HLCS: variants seen among roughly 807,000 people sequenced by gnomAD.
The protein encoded by HLCS is holocarboxylase synthetase, also known as biotin--protein ligase.
Under a neutral mutation model 75.0 loss-of-function variants are expected in HLCS, and 53 were observed. The ratio of observed to expected loss-of-function variants is 0.71; its 90% CI spans 0.57 to 0.89. HLCS has a LOEUF of 0.89. Among genes scored for constraint, HLCS ranks in the 40% least tolerant of loss-of-function variants. HLCS has a pLI of 0.00. For synonymous variants in HLCS, 431 were observed against 428.6 expected, an observed-to-expected ratio of 1.01 and a Z score of -0.07; for missense variants, 966 against 1,074.0, an observed-to-expected ratio of 0.90 and a Z score of 1.41.
At chr21:36,848,727 T>C (rs1264371687) in intron 6 of HLCS, among the ~76,000 whole-genome samples, 3 of 152,252 alleles carry the variant, frequency 2.0e-5, no homozygotes, top group African/African-American at 7.2e-5. Flanking sequence ...TCATTTTCCC[T>C]TGGATTTATA....
intron 6 of HLCS, among the ~76,000 whole-genome samples, chr21:36,893,058 A>C (rs1008895278): frequency 2.6e-5 from 4 of 151,754 alleles, no homozygotes; most frequent in Non-Finnish European, 4.4e-5. Context: ...TACAGGCATG[A>C]GCCACAAAAA....
At chr21:36,948,537 C>T (rs1251972602) in intron 2 of HLCS, among the ~76,000 whole-genome samples, 1 of 151,384 alleles carries the variant, frequency 6.6e-6, no homozygotes, top group African/African-American at 2.4e-5. Flanking sequence ...CAAGACCAGC[C>T]TGGGCAACAA....
chr21:36,828,607 T>C (rs1189221500), intron 6 of HLCS, among the ~76,000 whole-genome samples: 1 of 152,200 alleles, frequency 6.6e-6, no homozygotes, highest in African/African-American at 2.4e-5. Flanking sequence ...CAATTCACAT[T>C]AGAAGGGGTT....
intron 6 of HLCS, among the ~76,000 whole-genome samples, chr21:36,815,628 T>C (rs991272707): frequency 1.2e-4 from 19 of 152,180 alleles, no homozygotes; most frequent in Non-Finnish European, 2.6e-4. Flanking sequence ...GTAGAATTCA[T>C]CAAATTGGTG....
intron 6 of HLCS, among the ~76,000 whole-genome samples, chr21:36,813,989 C>T (rs2061586022): frequency 6.6e-6 from 1 of 152,158 alleles, no homozygotes. Context: ...AGGTCCCTCC[C>T]CTAAAGCCAC....
At chr21:36,900,735 G>T (rs1034796621) in intron 5 of HLCS, among the ~76,000 whole-genome samples, 2 of 152,152 alleles carry the variant, frequency 1.3e-5, no homozygotes, top group Non-Finnish European at 2.9e-5. Flanking sequence ...CAGCAGACAT[G>T]GTGAGAAAGG....
At chr21:36,763,477 G>A (rs991972035) in intron 8 of HLCS, among the ~76,000 whole-genome samples, 3 of 152,166 alleles carry the variant, frequency 2.0e-5, no homozygotes, top group Non-Finnish European at 4.4e-5. Context: ...ATGTAATACA[G>A]GAAACAGAGA....
At chr21:36,913,305 A>G (rs1389507110) in intron 5 of HLCS, among the ~76,000 whole-genome samples, 1 of 152,188 alleles carries the variant, frequency 6.6e-6, no homozygotes, top group Admixed American at 6.5e-5. Context: ...AAATTAGGAA[A>G]TGCCTATTTT....
intron 6 of HLCS, among the ~76,000 whole-genome samples, chr21:36,853,642 A>G (rs573124689): frequency 6.6e-6 from 1 of 152,358 alleles, no homozygotes; most frequent in South Asian, 2.1e-4. Flanking sequence ...AAGTCACAGT[A>G]AAGTCTCTTA....
chr21:36,933,597 T>C (rs1185020232), intron 4 of HLCS, among the ~76,000 whole-genome samples: 1 of 148,940 alleles, frequency 6.7e-6, no homozygotes, highest in African/African-American at 2.5e-5. Context: ...CTCAGTGCAC[T>C]TCTACCCTAA....
At chr21:36,796,034 C>G (rs1190697008) in intron 6 of HLCS, among the ~76,000 whole-genome samples, 1 of 152,140 alleles carries the variant, frequency 6.6e-6, no homozygotes, top group African/African-American at 2.4e-5. Context: ...AAAATAGTTG[C>G]AATCTGTAAC....
intron 6 of HLCS, among the ~76,000 whole-genome samples, chr21:36,797,551 T>A (rs892476819): frequency 3.3e-5 from 5 of 152,206 alleles, no homozygotes; most frequent in African/African-American, 1.2e-4. Flanking sequence ...TAAGTTAACA[T>A]CTTTGCAAAA....
intron 6 of HLCS, among the ~76,000 whole-genome samples, chr21:36,828,434 C>T (rs987339861): frequency 2.0e-5 from 3 of 152,072 alleles, no homozygotes; most frequent in Admixed American, 6.5e-5. Flanking sequence ...TCACTGGAGT[C>T]GGCAGGATCA....
chr21:36,856,076 G>C (rs577650680), intron 6 of HLCS, among the ~76,000 whole-genome samples: 2 of 152,278 alleles, frequency 1.3e-5, no homozygotes, highest in African/African-American at 4.8e-5. Flanking sequence ...GGGGGCAGGG[G>C]GAAGGGGAGT....
chr21:36,959,269 G>A (rs1431985534), intron 2 of HLCS, among the ~76,000 whole-genome samples: 1 of 152,178 alleles, frequency 6.6e-6, no homozygotes. Flanking sequence ...ACCCGGCCAG[G>A]TGGGTGCTGC....
At chr21:36,862,614 C>T (rs1181640114) in intron 6 of HLCS, among the ~76,000 whole-genome samples, 1 of 152,098 alleles carries the variant, frequency 6.6e-6, no homozygotes, top group African/African-American at 2.4e-5. Context: ...GGTATTCTTT[C>T]GAATTTCACA....
intron 8 of HLCS, among the ~76,000 whole-genome samples, chr21:36,760,435 C>A (rs531046661): frequency 1.5e-4 from 23 of 151,912 alleles, no homozygotes; most frequent in East Asian, 5.8e-4. Context: ...ATAGTGAAAC[C>A]CCATCTCTGC....
rs118099059 is a variant in HLCS at position 36,754,078 on chromosome 21, C to A, written c.*168G>T. On this transcript the variant is annotated 3_prime_UTR_variant, in exon 11 of 11. Transcript: ENST00000674895. ...CCATCTATCCCAGAGCCTCTTCAAA[C>A]ACCAAAGAAAACGACAACAAAACAA... The A allele has an allele frequency of 3.4e-4, 267 of 775,350 alleles. 2 individuals carry two copies. The East Asian group carries it at 7.1e-3, about 21-fold the overall frequency. The allele number at this position is 775,350 out of a possible 1,614,324, so 48.0% of individuals were successfully genotyped here. A position where few individuals can be genotyped will look rare whatever the true frequency, so the allele number is the denominator to read the frequency against.
rs534676462 is a variant in HLCS at position 36,935,004 on chromosome 21, TG to T, written c.1437+1444del. Among the ~76,000 whole-genome samples, 6 of 152,236 alleles carry T rather than the reference TG, an allele frequency of 3.9e-5. No individual in the cohort carries two copies. The East Asian group carries it at 1.2e-3, about 29-fold the overall frequency. ...GCAGTATCAAATTTTATGATAGTAA[TG>T]GGGTCAATTTAAATGGTGCAGCAAG... On this transcript the variant is annotated intron_variant, in intron 4 of 10. Coordinates refer to ENST00000674895, the MANE Select transcript of HLCS (RefSeq NM_001352514.2).
Sources: allele counts gnomAD v4.1 joint callset (sites outside exome capture counted in the v4.1 genomes callset), GRCh38; gene constraint gnomAD v4.1.1; transcripts MANE v1.5; gene names NCBI Gene and HGNC (gene_info 2026-07-23, HGNC 2026-07-21).